PPP1CB: variants seen among roughly 807,000 people sequenced by gnomAD.
The protein encoded by PPP1CB is serine/threonine-protein phosphatase PP1-beta catalytic subunit.
A neutral mutation model predicts 43.7 loss-of-function variants in PPP1CB; 2 were observed. The ratio of observed to expected loss-of-function variants is 0.05; its 90% CI spans 0.02 to 0.14. The LOEUF is 0.14. PPP1CB is among the 10% of genes least tolerant of loss of function. The probability of loss-of-function intolerance (pLI) is 1.00; values close to 1 mark genes in which losing one functional copy is unlikely to be tolerated. For synonymous variants in PPP1CB, 136 were observed against 135.6 expected, an observed-to-expected ratio of 1.00 and a Z score of -0.02; for missense variants, 84 against 398.0, an observed-to-expected ratio of 0.21 and a Z score of 6.71.
intron 1 of PPP1CB, among the ~76,000 whole-genome samples, chr2:28,766,195 G>C (rs150632345): frequency 2.6e-5 from 4 of 152,242 alleles, no homozygotes; most frequent in African/African-American, 7.2e-5. Context: ...AAAAAATTCA[G>C]TATCAGCCCT....
chr2:28,764,278 C>T (rs1666731106), intron 1 of PPP1CB, among the ~76,000 whole-genome samples: 1 of 151,596 alleles, frequency 6.6e-6, no homozygotes, highest in Non-Finnish European at 1.5e-5. Flanking sequence ...AGCTAACATG[C>T]TGAAATCCCG....
At position 28,785,065 on chromosome 2, in the gene PPP1CB, C is replaced by CTTTTTTTTTTTTTTTTTTTTTT. The variant is rs769650329; in HGVS notation, c.592+1094_592+1115dup. The stretch of plus-strand genomic sequence containing the variant: ...ATGTTGTAATAAATTGTGTTAGGAG[C>CTTTTTTTTTTTTTTTTTTTTTT]TTTTTTTTTTTTTTTTTTTTTTTTT... On this transcript the variant is annotated intron_variant, in intron 5 of 7. Coordinates refer to ENST00000395366, the MANE Select transcript of PPP1CB (RefSeq NM_002709.3). Among the ~76,000 whole-genome samples, 30 of 54,996 alleles carry CTTTTTTTTTTTTTTTTTTTTTT rather than the reference C, an allele frequency of 5.5e-4. 7 individuals carry two copies. Among genetic ancestry groups the CTTTTTTTTTTTTTTTTTTTTTT allele is most frequent in the Non-Finnish European group, 7.3e-4 (21 of 28,692 alleles). 36.1% of individuals were successfully genotyped at this position (54,996 alleles called of 152,430 possible). A position where few individuals can be genotyped will look rare whatever the true frequency, so the allele number is the denominator to read the frequency against.
intron 1 of PPP1CB, among the ~76,000 whole-genome samples, chr2:28,760,285 ATTTT>A (rs911740152): frequency 6.6e-6 from 1 of 152,226 alleles, no homozygotes; most frequent in Non-Finnish European, 1.5e-5. Flanking sequence ...ATGTTTAAAA[ATTTT>A]TTTAAGTTTC....
intron 1 of PPP1CB, among the ~76,000 whole-genome samples, chr2:28,756,344 G>C (rs1241077233): frequency 1.3e-5 from 2 of 152,146 alleles, no homozygotes; most frequent in Non-Finnish European, 2.9e-5. Flanking sequence ...GGATGTGTTT[G>C]TACCTGTTTT....
chr2:28,757,206 A>G (rs1339164010), intron 1 of PPP1CB, among the ~76,000 whole-genome samples: 1 of 152,174 alleles, frequency 6.6e-6, no homozygotes, highest in Non-Finnish European at 1.5e-5. Context: ...AGTATGTATC[A>G]GTACTTTATT....
At chr2:28,779,512 A>T (rs781782536) in intron 3 of PPP1CB, among the ~76,000 whole-genome samples, 1 of 152,086 alleles carries the variant, frequency 6.6e-6, no homozygotes, top group Non-Finnish European at 1.5e-5. Flanking sequence ...GATACTGAAT[A>T]CTCTGGGGTA....
intron 6 of PPP1CB, 51 bp downstream of exon 6, chr2:28,788,860 G>A (rs368340782): frequency 5.4e-5 from 80 of 1,495,042 alleles, no homozygotes; most frequent in South Asian, 7.9e-5. Flanking sequence ...CTTTTTTTTG[G>A]GGGCAGACGG....
chr2:28,772,423 A>G (rs1666934779), intron 1 of PPP1CB, among the ~76,000 whole-genome samples: 1 of 152,250 alleles, frequency 6.6e-6, no homozygotes, highest in Non-Finnish European at 1.5e-5. Flanking sequence ...TTGCAGTATC[A>G]GTAAAGATAT....
intron 2 of PPP1CB, chr2:28,778,541 G>C: frequency 2.0e-6 from 1 of 494,790 alleles, no homozygotes; most frequent in Non-Finnish European, 3.9e-6. Flanking sequence ...TCTTTGCTAC[G>C]TGGGATGCTT....
At chr2:28,792,052 A>G (rs567010384) in intron 6 of PPP1CB, among the ~76,000 whole-genome samples, 2 of 152,262 alleles carry the variant, frequency 1.3e-5, no homozygotes, top group South Asian at 4.1e-4. Flanking sequence ...AAAAAATACA[A>G]AAAACTGGCT....
At chr2:28,781,167 CACCT>C (rs1439230364) in intron 3 of PPP1CB, among the ~76,000 whole-genome samples, 1 of 152,104 alleles carries the variant, frequency 6.6e-6, no homozygotes, top group Admixed American at 6.5e-5. Context: ...TTTCATAAAA[CACCT>C]AGCACAATCT....
intron 7 of PPP1CB, among the ~76,000 whole-genome samples, chr2:28,798,659 T>G (rs924682575): frequency 1.3e-5 from 2 of 151,968 alleles, no homozygotes; most frequent in Admixed American, 6.6e-5. Context: ...CATAGTAGAT[T>G]AGTAGTTGGT....
chr2:28,776,075 G>A (rs1572456708), intron 1 of PPP1CB, among the ~76,000 whole-genome samples: 1 of 152,014 alleles, frequency 6.6e-6, no homozygotes, highest in African/African-American at 2.4e-5. Context: ...TTCCAAGAAA[G>A]TGTGTGAAGC....
At chr2:28,789,511 A>G (rs1017967077) in intron 6 of PPP1CB, among the ~76,000 whole-genome samples, 7 of 152,106 alleles carry the variant, frequency 4.6e-5, no homozygotes, top group African/African-American at 1.7e-4. Flanking sequence ...CCAGTCTCAA[A>G]AAAAAGAATG....
rs1667618410 is a variant in PPP1CB, at chr2:28,801,601, T to C, written c.*2298T>C. Reference sequence around the variant, plus strand: ...CATAAAAATGTGTTCTTTACAAATATTTGCTTGGCAACACGACTTGAAATA... The same window carrying C: ...CATAAAAATGTGTTCTTTACAAATACTTGCTTGGCAACACGACTTGAAATA... On this transcript the variant is annotated 3_prime_UTR_variant, in exon 8 of 8. Transcript: ENST00000395366. The C allele has an allele frequency of 6.6e-6, 1 of 152,166 alleles. No individual in the cohort carries two copies. The highest frequency in any genetic ancestry group is 2.4e-5 in the African/African-American group (1 of 41,456). 9.4% of individuals were successfully genotyped at this position (152,166 alleles called of 1,614,324 possible).
At chr2:28,764,691 C>G (rs1480669404) in intron 1 of PPP1CB, among the ~76,000 whole-genome samples, 1 of 151,594 alleles carries the variant, frequency 6.6e-6, no homozygotes, top group African/African-American at 2.4e-5. Flanking sequence ...TTTATGAGGC[C>G]AAGGCGAGTG....
At chr2:28,768,672 A>G (rs1035446590) in intron 1 of PPP1CB, among the ~76,000 whole-genome samples, 2 of 152,226 alleles carry the variant, frequency 1.3e-5, no homozygotes, top group African/African-American at 4.8e-5. Flanking sequence ...TGCTGCTGCT[A>G]AAAGGAAACA....
At chr2:28,791,953 A>G (rs530615034) in intron 6 of PPP1CB, among the ~76,000 whole-genome samples, 2 of 152,358 alleles carry the variant, frequency 1.3e-5, no homozygotes, top group African/African-American at 2.4e-5. Context: ...AGAATGAACA[A>G]GTAAGCAAAC....
chr2:28,777,127 C>A, intron 2 of PPP1CB, 145 bp downstream of exon 2: 1 of 820,572 alleles, frequency 1.2e-6, no homozygotes, highest in Non-Finnish European at 1.8e-6. Flanking sequence ...AAAATTGAAA[C>A]TTATAAAAAT....
Sources: allele counts gnomAD v4.1 joint callset (sites outside exome capture counted in the v4.1 genomes callset), GRCh38; gene constraint gnomAD v4.1.1; transcripts MANE v1.5; gene names NCBI Gene and HGNC (gene_info 2026-07-23, HGNC 2026-07-21).